The following CCDC63 variants were observed in gnomAD, a reference collection of about 807,000 sequenced individuals.
CCDC63 encodes coiled-coil domain-containing protein 63.
In CCDC63, 54 loss-of-function variants were observed where a neutral mutation model predicts 63.6. The ratio of observed to expected loss-of-function variants is 0.85; its 90% CI spans 0.68 to 1.07. The LOEUF is 1.07. Ranked by LOEUF, CCDC63 falls within the 50% of genes least tolerant of loss-of-function variation. The pLI, the probability that CCDC63 is intolerant of heterozygous loss-of-function variation, is 0.00. For synonymous variants in CCDC63, 253 were observed against 266.1 expected (o/e 0.95, Z 0.48); for missense variants, 637 against 689.6 (o/e 0.92, Z 0.86).
At chr12:110,879,471 G>A (rs1593672211) in intron 5 of CCDC63, among the ~76,000 whole-genome samples, 1 of 152,166 alleles carries the variant, frequency 6.6e-6, no homozygotes, top group East Asian at 1.9e-4. Context: ...GTAGTGCTGA[G>A]TTTGAGAAAC....
chr12:110,866,465 G>A (rs1231045394), intron 4 of CCDC63, among the ~76,000 whole-genome samples: 1 of 145,282 alleles, frequency 6.9e-6, no homozygotes. Context: ...GGACCCTGCG[G>A]CCTTCCGCAG....
intron 3 of CCDC63, among the ~76,000 whole-genome samples, chr12:110,857,448 A>G (rs943064529): frequency 3.3e-5 from 5 of 152,192 alleles, no homozygotes; most frequent in African/African-American, 1.2e-4. Context: ...TTACTGTTCT[A>G]TAGCAGTGTG....
chr12:110,849,339 ACCT>A (rs940404093), intron 1 of CCDC63, among the ~76,000 whole-genome samples: 1 of 152,068 alleles, frequency 6.6e-6, no homozygotes, highest in Non-Finnish European at 1.5e-5. Context: ...GTCAGTTAGA[ACCT>A]AAATTTTTTC....
chr12:110,871,172 T>C (rs1207476767), intron 4 of CCDC63, among the ~76,000 whole-genome samples: 1 of 152,150 alleles, frequency 6.6e-6, no homozygotes, highest in Non-Finnish European at 1.5e-5. Flanking sequence ...GACAGAGTCT[T>C]GCTCTGTTGC....
chr12:110,881,499 CATTTGAGGTCAGGA>C (rs886409569), intron 7 of CCDC63, among the ~76,000 whole-genome samples: 26 of 152,276 alleles, frequency 1.7e-4, no homozygotes, highest in Admixed American at 1.4e-3. Flanking sequence ...GCAGGCTGAT[CATTTGAGGTCAGGA>C]ATTTGAGAAC....
Position 110,889,015 on chromosome 12 carries a change from GCA to G in CCDC63, c.1075-4055_1075-4054del, listed in dbSNP as rs2071324553. Among the ~76,000 whole-genome samples the G allele has an allele frequency of 6.6e-6, 1 of 151,956 alleles. No individual in the cohort carries two copies. Among genetic ancestry groups the G allele is most frequent in the Admixed American group, 6.6e-5 (1 of 15,234 alleles). On this transcript the variant is annotated intron_variant, in intron 8 of 11. Coordinates refer to ENST00000308208, the MANE Select transcript of CCDC63 (RefSeq NM_152591.3). The surrounding 1 kb of genome is among the most constrained non-coding windows in gnomAD (Gnocchi z 4.1). ...GCCTCCAGAGTGGCTGGGACTACAG[GCA>G]CACACCACCACACCCAGCTAATTTT...
chr12:110,878,457 G>A (rs774695270), intron 5 of CCDC63, among the ~76,000 whole-genome samples: 2 of 152,128 alleles, frequency 1.3e-5, no homozygotes, highest in African/African-American at 2.4e-5. Context: ...TGGGATTACA[G>A]ACACCTGCCA....
chr12:110,876,079 C>T (rs1245784070), intron 5 of CCDC63, among the ~76,000 whole-genome samples: 1 of 143,496 alleles, frequency 7.0e-6, no homozygotes, highest in African/African-American at 2.6e-5. Context: ...GTACTCCAGT[C>T]TGGATGACAG....
At chr12:110,865,720 C>T (rs902673909) in intron 4 of CCDC63, among the ~76,000 whole-genome samples, 3 of 152,192 alleles carry the variant, frequency 2.0e-5, no homozygotes, top group African/African-American at 7.2e-5. Flanking sequence ...CTAAAATGCT[C>T]CTCCCATCTT....
Position 110,856,465 on chromosome 12 carries a change from G to T in CCDC63, c.180-2121G>T, listed in dbSNP as rs187612317. ...ACACTCGCCCCAGCTTCCCCCGCCC[G>T]CCTCCTTCCAGGAGGGGCTTAAGCA... On this transcript the variant is annotated intron_variant, in intron 3 of 11. Coordinates refer to ENST00000308208, the MANE Select transcript of CCDC63 (RefSeq NM_152591.3). Among the ~76,000 whole-genome samples the T allele has an allele frequency of 8.0e-4, 121 of 152,126 alleles. 2 individuals carry two copies. The highest frequency in any genetic ancestry group is 2.7e-3 in the African/African-American group (114 of 41,486).
intron 11 of CCDC63, among the ~76,000 whole-genome samples, chr12:110,906,573 C>G (rs1169694472): frequency 2.0e-5 from 3 of 151,894 alleles, no homozygotes; most frequent in African/African-American, 7.3e-5. Flanking sequence ...AAAGCTGCCC[C>G]CATTTCTCTG....
chr12:110,874,070 A>T, intron 5 of CCDC63, 109 bp downstream of exon 5: 1 of 1,410,418 alleles, frequency 7.1e-7, no homozygotes, highest in Non-Finnish European at 9.5e-7. Context: ...TCCCTGGTTG[A>T]CTCAGGAGCA....
intron 8 of CCDC63, among the ~76,000 whole-genome samples, chr12:110,890,022 T>G (rs1407899386): frequency 6.6e-6 from 1 of 152,160 alleles, no homozygotes; most frequent in Non-Finnish European, 1.5e-5. Context: ...CTTTCTGCTT[T>G]TTTAAAAATT....
chr12:110,870,041 A>G (rs1045962336), intron 4 of CCDC63, among the ~76,000 whole-genome samples: 7 of 152,202 alleles, frequency 4.6e-5, no homozygotes, highest in African/African-American at 7.2e-5. Flanking sequence ...AAACTAAGCA[A>G]TGAATGTTGA....
chr12:110,848,057 C>T (rs1384040427), intron 1 of CCDC63, among the ~76,000 whole-genome samples: 3 of 152,252 alleles, frequency 2.0e-5, no homozygotes, highest in African/African-American at 4.8e-5. Flanking sequence ...CACTTTTCCT[C>T]GCACACGCTG....
intron 10 of CCDC63, among the ~76,000 whole-genome samples, chr12:110,899,478 A>G (rs2071458207): frequency 1.3e-5 from 2 of 151,874 alleles, no homozygotes; most frequent in Non-Finnish European, 2.9e-5. Flanking sequence ...ACCACCATAC[A>G]CGGCTGATTT....
At chr12:110,892,592 C>T (rs1318715973) in intron 8 of CCDC63, among the ~76,000 whole-genome samples, 4 of 151,954 alleles carry the variant, frequency 2.6e-5, no homozygotes, top group Non-Finnish European at 5.9e-5. Flanking sequence ...CTGAGGCGGG[C>T]GGATCGCCTG....
intron 1 of CCDC63, among the ~76,000 whole-genome samples, chr12:110,850,656 G>T (rs532179633): frequency 4.6e-5 from 7 of 152,174 alleles, no homozygotes; most frequent in Non-Finnish European, 7.3e-5. Flanking sequence ...CAGGAGAATC[G>T]CTTGAACCCG....
chr12:110,880,737 G>A (rs1453151412), intron 6 of CCDC63, among the ~76,000 whole-genome samples: 4 of 250 alleles, frequency 0.016, no homozygotes, highest in Non-Finnish European at 0.023. Context: ...TAGTGATGGG[G>A]TGGTGATGGT....
Sources: allele counts gnomAD v4.1 joint callset (sites outside exome capture counted in the v4.1 genomes callset), GRCh38; gene constraint gnomAD v4.1.1; non-coding constraint Gnocchi (gnomAD v3.1); transcripts MANE v1.5; gene names NCBI Gene and HGNC (gene_info 2026-07-23, HGNC 2026-07-21).